Variants in NES observed in about 807,000 individuals in gnomAD.
NES encodes the protein nestin.
A neutral mutation model predicts 35.6 loss-of-function variants in NES; 27 were observed. The observed-to-expected ratio is 0.76, with a 90% CI of 0.56 to 1.04. NES has a LOEUF of 1.04. Ranked by LOEUF, NES falls within the 50% of genes least tolerant of loss-of-function variation. The probability of loss-of-function intolerance (pLI) is 0.00; values close to 1 mark genes in which losing one functional copy is unlikely to be tolerated. For missense variants in NES, 1,867 were observed against 1,983.6 expected, an observed-to-expected ratio of 0.94 and a Z score of 1.12; for synonymous variants, 822 against 824.2, an observed-to-expected ratio of 1.00 and a Z score of 0.04.
Position 156,671,303 on chromosome 1 carries a change from G to A in NES, c.2885C>T (p.Ala962Val), listed in dbSNP as rs1444018002. The A allele has an allele frequency of 8.1e-6, 13 of 1,614,010 alleles. No individual in the cohort carries two copies. Among genetic ancestry groups the A allele is most frequent in the South Asian group, 1.1e-5 (1 of 91,090 alleles). ...EDTVEKDQELAQESPPGMAGV... is the reference protein window; with the variant it reads ...EDTVEKDQELVQESPPGMAGV... ...AGCCATCCCAGGAGGGCTTTCCTGAGCCAGTTCTTGGTCCTTCTCCACCGT... is the reference window on the plus strand; with the variant it reads ...AGCCATCCCAGGAGGGCTTTCCTGAACCAGTTCTTGGTCCTTCTCCACCGT... The change falls in exon 4 of 4, where the codon GCT (alanine) becomes GTT (valine). Residue 962 changes from alanine (A) to valine (V), a missense_variant. Coordinates refer to ENST00000368223, the MANE Select transcript of NES (RefSeq NM_006617.2).
At position 156,677,150 on chromosome 1, in the gene NES, CCGCGCTGAGCAGCT is replaced by C; in HGVS notation, c.101_114del (p.Glu34GlyfsTer30). On this transcript the variant is annotated frameshift_variant, in exon 1 of 4. Coordinates refer to ENST00000368223, the MANE Select transcript of NES (RefSeq NM_006617.2). LOFTEE classifies it high-confidence loss of function. This position sits in a 1 kb window ranked among gnomAD's most constrained non-coding sequence, Gnocchi z 4.5. ...GATTGTGCCCGGAGCCCCCCGAGCT[CCGCGCTGAGCAGCT>C]CATTCTGCTCCTCCAGCGCCTTGAC... 3.7e-6 allele frequency: 6 copies of C among 1,611,226 alleles called. No homozygotes were observed. The highest frequency in any genetic ancestry group is 4.2e-6 in the Non-Finnish European group (5 of 1,179,348).
chr1:156,673,152 A>G lies in NES; in HGVS notation c.1036T>C (p.Ser346Pro). ...PRTPEGRRLG[S>P]LLPVLSPTSL... ...GTTGGGCTCAGGACTGGGAGCAAAGATCCAAGACGCCGGCCCTCTGGGGTC... is the reference window on the plus strand; with the variant it reads ...GTTGGGCTCAGGACTGGGAGCAAAGGTCCAAGACGCCGGCCCTCTGGGGTC... Residue 346 changes from serine (S) to proline (P), a missense_variant, in exon 4 of 4, where the codon TCT (serine) becomes CCT (proline). By Grantham distance (74) the Ser-to-Pro change is moderately conservative. Transcript: ENST00000368223. 1.3e-6 allele frequency: 2 copies of G among 1,543,298 alleles called. No homozygotes were observed. The highest frequency in any genetic ancestry group is 1.4e-5 in the African/African-American group (1 of 72,690).
chr1:156,676,570 C>T lies in NES; in HGVS notation c.695G>A (p.Arg232His). Residue 232 changes from arginine (R) to histidine (H), a missense_variant, in exon 1 of 4, where the codon CGC becomes CAC. By Grantham distance (29) the Arg-to-His change is conservative (BLOSUM62 0). Transcript: ENST00000368223. The surrounding 1 kb of genome is among the most constrained non-coding windows in gnomAD (Gnocchi z 5.3). ...RLELQQLQAE[R>H]GGLLERRAAL... ...TGCCCTGCGCTCCAGGAGGCCTCCGCGCTCAGCCTGGAGCTGCTGCAGCTC... is the reference window on the plus strand; with the variant it reads ...TGCCCTGCGCTCCAGGAGGCCTCCGTGCTCAGCCTGGAGCTGCTGCAGCTC... 6.3e-7 allele frequency: 1 copy of T among 1,589,090 alleles called. No homozygotes were observed. The highest frequency in any genetic ancestry group is 1.7e-4 in the Middle Eastern group (1 of 6,042).
In NES at chr1:156,671,859, A is replaced by G. The variant is rs1464259068; in HGVS notation, c.2329T>C (p.Leu777=). ...RSLGEQDQMT[L]RPPEKVDLEP... ...AGATCCACTTTTTCTGGGGGTCTTA[A>G]TGTCATCTGATCCTGTTCCCCTAGA... Residue 777 remains leucine, a synonymous_variant, in exon 4 of 4, where the codon TTA becomes CTA. Coordinates refer to ENST00000368223, the MANE Select transcript of NES (RefSeq NM_006617.2). The G allele has an allele frequency of 5.0e-6, 8 of 1,613,844 alleles. No individual in the cohort carries two copies. In the South Asian group the frequency reaches 8.8e-5, roughly 18 times the overall value.
At position 156,676,726 on chromosome 1, in the gene NES, C is replaced by A; in HGVS notation, c.539G>T (p.Arg180Met). 7.2e-7 allele frequency: 1 copy of A among 1,395,324 alleles called. No homozygotes were observed. Among genetic ancestry groups the A allele is most frequent in the Non-Finnish European group, 9.2e-7 (1 of 1,085,464 alleles). The allele number at this position is 1,395,324 out of a possible 1,614,324, so 86.4% of individuals were successfully genotyped here. A position where few individuals can be genotyped will look rare whatever the true frequency, so the allele number is the denominator to read the frequency against. The change falls in exon 1 of 4, where the codon AGG becomes ATG. Residue 180 changes from arginine to methionine, a missense_variant. By Grantham distance (91) the Arg-to-Met change is moderately conservative (BLOSUM62 -1). Coordinates refer to ENST00000368223, the MANE Select transcript of NES (RefSeq NM_006617.2). The surrounding 1 kb of genome is among the most constrained non-coding windows in gnomAD (Gnocchi z 5.3). ...APAPEVEELA[R>M]RLGEAWRGAV... ...CCCGCGCCACGCCTCGCCCAGTCGC[C>A]TTGCCAGCTCCTCTACCTCCGGGGC...
rs1647286906 is a variant in NES at position 156,676,182 on chromosome 1, G to A, written c.783+300C>T. ...CTAGTAATACCAGAGCCTGGGAAGG[G>A]ACCCGGAGCCCCGGTCATCATCAGA... On this transcript the variant is annotated intron_variant, in intron 1 of 3. Coordinates refer to ENST00000368223, the MANE Select transcript of NES (RefSeq NM_006617.2). The surrounding 1 kb of genome is among the most constrained non-coding windows in gnomAD (Gnocchi z 5.3). Among the ~76,000 whole-genome samples, 1 of 152,230 alleles carries A rather than the reference G, an allele frequency of 6.6e-6. No homozygotes were observed. Among genetic ancestry groups the A allele is most frequent in the African/African-American group, 2.4e-5 (1 of 41,470 alleles).
rs1451401706 is a variant in NES at position 156,672,147 on chromosome 1, G to A, written c.2041C>T (p.Pro681Ser). ...AGTGCCTCCTCATCCCCTACTTCTG[G>A]AGATCTCAGTGGCTCTTGATTCTCC... ...EKENQEPLRSPEVGDEEALRP... is the reference protein window; with the variant it reads ...EKENQEPLRSSEVGDEEALRP... The change falls in exon 4 of 4, where the codon CCA becomes TCA. Residue 681 changes from proline to serine, a missense_variant. Pro to Ser is a moderately conservative substitution (Grantham distance 74, BLOSUM62 -1). Coordinates refer to ENST00000368223, the MANE Select transcript of NES (RefSeq NM_006617.2). 1 of 1,612,010 alleles carries A rather than the reference G, an allele frequency of 6.2e-7. No homozygotes were observed. Among genetic ancestry groups the A allele is most frequent in the African/African-American group, 1.3e-5 (1 of 74,678 alleles).
chr1:156,671,286 C>T lies in NES; in HGVS notation c.2902G>A (p.Gly968Arg), dbSNP rs1289816002. 1.2e-6 allele frequency: 2 copies of T among 1,614,160 alleles called. No individual in the cohort carries two copies. The highest frequency in any genetic ancestry group is 4.5e-5 in the East Asian group (2 of 44,884). ...TCCTCATTTTCCACTCCAGCCATCC[C>T]AGGAGGGCTTTCCTGAGCCAGTTCT... ...DQELAQESPPGMAGVENEDEA... is the reference protein window; with the variant it reads ...DQELAQESPPRMAGVENEDEA... The change falls in exon 4 of 4, where the codon GGG becomes AGG. Residue 968 changes from glycine to arginine, a missense_variant. Coordinates refer to ENST00000368223, the MANE Select transcript of NES (RefSeq NM_006617.2).
Position 156,671,271 on chromosome 1 carries a change from C to A in NES, c.2917G>T (p.Glu973Ter). The change falls in exon 4 of 4, where the codon GAA (glutamate) becomes TAA (stop). Residue 973 changes from glutamate to a stop codon, truncating the protein, a stop_gained. Coordinates refer to ENST00000368223, the MANE Select transcript of NES (RefSeq NM_006617.2). LOFTEE classifies it low-confidence loss of function (END_TRUNC). ...QESPPGMAGV[E>*]NEDEAELNLR... The stretch of plus-strand genomic sequence containing the variant: ...TTCAGCTCTGCCTCATCCTCATTTT[C>A]CACTCCAGCCATCCCAGGAGGGCTT... 1 of 1,614,156 alleles carries A rather than the reference C, an allele frequency of 6.2e-7. No homozygotes were observed. The highest frequency in any genetic ancestry group is 1.3e-5 in the African/African-American group (1 of 75,050).
rs1188640212 is a variant in NES at position 156,676,692 on chromosome 1, G to A, written c.573C>T (p.Arg191=). 3 of 1,487,582 alleles carry A rather than the reference G, an allele frequency of 2.0e-6. No individual in the cohort carries two copies. Among genetic ancestry groups the A allele is most frequent in the Non-Finnish European group, 2.7e-6 (3 of 1,131,100 alleles). 92.1% of individuals were successfully genotyped at this position (1,487,582 alleles called of 1,614,324 possible). ...RLGEAWRGAV[R]GYQERVAHME... ...TGTGTGCCACGCGCTCCTGGTAGCC[G>A]CGCACTGCCCCGCGCCACGCCTCGC... The change falls in exon 1 of 4, where the codon CGC becomes CGT. Residue 191 remains arginine, a synonymous_variant. Transcript: ENST00000368223. The surrounding 1 kb of genome is among the most constrained non-coding windows in gnomAD (Gnocchi z 5.3).
At chr1:156,674,204 G>A (rs938872339) in intron 2 of NES, among the ~76,000 whole-genome samples, 2 of 152,164 alleles carry the variant, frequency 1.3e-5, no homozygotes, top group East Asian at 1.9e-4. Context: ...GGGGCACAGA[G>A]GTCTTTGTGT....
Position 156,671,212 on chromosome 1 carries a change from C to T in NES, c.2976G>A (p.Glu992=). Residue 992 remains glutamate (E), a synonymous_variant, in exon 4 of 4, where the codon GAG becomes GAA. Transcript: ENST00000368223. ...LREQDGFTGK[E]EVVEQGELNA... The stretch of plus-strand genomic sequence containing the variant: ...TCAGCTCTCCCTGCTCTACCACCTC[C>T]TCCTTCCCAGTGAAGCCATCCTGCT... The T allele has an allele frequency of 6.2e-7, 1 of 1,614,176 alleles. No homozygotes were observed.
In NES at chr1:156,669,971, T is replaced by A; in HGVS notation, c.4217A>T (p.Asp1406Val). Residue 1406 changes from aspartate (D) to valine (V), a missense_variant, in exon 4 of 4, where the codon GAT becomes GTT. Transcript: ENST00000368223. ...LLLDPAAWDRDGESDGFADEE... is the reference protein window; with the variant it reads ...LLLDPAAWDRVGESDGFADEE... ...ATCTGCAAACCCATCGGACTCCCCA[T>A]CTCGATCCCAGGCTGCAGGATCCAG... 1 of 1,602,286 alleles carries A rather than the reference T, an allele frequency of 6.2e-7. No homozygotes were observed. Among genetic ancestry groups the A allele is most frequent in the South Asian group, 1.1e-5 (1 of 90,740 alleles).
In NES at chr1:156,672,374, G is replaced by A. The variant is rs775814683; in HGVS notation, c.1814C>T (p.Pro605Leu). ...TTGGCCTACAGCCTCTTTTTCTAGA[G>A]GTCTCACTACCTCCACATCCTTTAA... Reference protein sequence around the residue: ...ELLKDVEVVRPLEKEAVGQLK... With the variant: ...ELLKDVEVVRLLEKEAVGQLK... The change falls in exon 4 of 4, where the codon CCT becomes CTT. Residue 605 changes from proline (P) to leucine (L), a missense_variant. Pro to Leu is a moderately conservative substitution (Grantham distance 98). Coordinates refer to ENST00000368223, the MANE Select transcript of NES (RefSeq NM_006617.2). The A allele has an allele frequency of 3.7e-6, 6 of 1,612,992 alleles. No individual in the cohort carries two copies. The South Asian group carries it at 5.5e-5, about 15-fold the overall frequency.
rs375661185 is a variant in NES, at chr1:156,669,661, C to T, written c.4527G>A (p.Arg1509=). Residue 1509 remains arginine, a synonymous_variant, in exon 4 of 4, where the codon AGG becomes AGA. Coordinates refer to ENST00000368223, the MANE Select transcript of NES (RefSeq NM_006617.2). The part of the protein sequence containing the change: ...EEESDPVSLE[R]EDKVPGPLEI... ...CTAGAGGGCCAGGGACTTTGTCCTC[C>T]CTCTCCAAGGAAACAGGGTCAGACT... 47 of 1,613,936 alleles carry T rather than the reference C, an allele frequency of 2.9e-5. No homozygotes were observed. Among genetic ancestry groups the T allele is most frequent in the Non-Finnish European group, 3.9e-5 (46 of 1,179,970 alleles).
rs749205339 is a variant in NES at position 156,672,480 on chromosome 1, T to G, written c.1708A>C (p.Arg570=). ...LENQSHETLE[R]ENQECPRSLE... ...GACCTCGGACATTCTTGATTCTCCC[T>G]TTCTAGTGTCTCATGGCTCTGGTTT... Residue 570 remains arginine (R), a synonymous_variant, in exon 4 of 4, where the codon AGG becomes CGG. Coordinates refer to ENST00000368223, the MANE Select transcript of NES (RefSeq NM_006617.2). 12 of 1,612,866 alleles carry G rather than the reference T, an allele frequency of 7.4e-6. No homozygotes were observed. Among genetic ancestry groups the G allele is most frequent in the African/African-American group, 1.3e-5 (1 of 74,888 alleles).
At chr1:156,674,747 GT>G (rs1679805110) in intron 2 of NES, among the ~76,000 whole-genome samples, 1 of 152,232 alleles carries the variant, frequency 6.6e-6, no homozygotes, top group Non-Finnish European at 1.5e-5. Context: ...GGCCTTGGAA[GT>G]CCCCCAGCCC....
At chr1:156,673,395 G>A in intron 3 of NES, 59 bp downstream of exon 3, 1 of 1,502,346 alleles carries the variant, frequency 6.7e-7, no homozygotes, top group South Asian at 1.2e-5. Flanking sequence ...GGAAAGATAG[G>A]TCTGGGTATG....
chr1:156,677,043 C>T lies in NES; in HGVS notation c.222G>A (p.Lys74=). Residue 74 remains lysine, a synonymous_variant, in exon 1 of 4, where the codon AAG becomes AAA. Coordinates refer to ENST00000368223, the MANE Select transcript of NES (RefSeq NM_006617.2). The surrounding 1 kb of genome is among the most constrained non-coding windows in gnomAD (Gnocchi z 4.5). ...RALVDQRWRE[K]HAAEVARDNL... is the part of the protein sequence containing the mutation. ...TGTCGCGCGCCACCTCGGCCGCGTG[C>T]TTCTCCCGCCAGCGTTGGTCAACGA... 6.3e-7 allele frequency: 1 copy of T among 1,587,532 alleles called. No homozygotes were observed. The highest frequency in any genetic ancestry group is 8.5e-7 in the Non-Finnish European group (1 of 1,169,738).
Sources: allele counts gnomAD v4.1 joint callset (sites outside exome capture counted in the v4.1 genomes callset), GRCh38; gene constraint gnomAD v4.1.1; non-coding constraint Gnocchi (gnomAD v3.1); transcripts MANE v1.5; gene names NCBI Gene and HGNC (gene_info 2026-07-23, HGNC 2026-07-21).